GNPTG: variants seen among roughly 807,000 people sequenced by gnomAD.
GNPTG encodes the protein N-acetylglucosamine-1-phosphotransferase subunit gamma.
GNPTG carries 46 observed loss-of-function variants against 43.8 expected under a neutral mutation model. That is an observed-to-expected ratio of 1.05 (90% CI 0.83 to 1.34). GNPTG has a LOEUF of 1.34. Among genes scored for constraint, GNPTG ranks in the 40% most tolerant of loss-of-function variants. The probability of loss-of-function intolerance (pLI) is 0.00; values close to 1 mark genes in which losing one functional copy is unlikely to be tolerated. For synonymous variants in GNPTG, 250 were observed against 172.8 expected (o/e 1.45, Z -3.50); for missense variants, 549 against 411.3 (o/e 1.33, Z -2.90).
Position 1,362,439 on chromosome 16 carries a change from C to G in GNPTG, c.527-13C>G, listed in dbSNP as rs770037398. On this transcript the variant is annotated splice_polypyrimidine_tract_variant and intron_variant, in intron 7 of 10. Coordinates refer to ENST00000204679, the MANE Select transcript of GNPTG (RefSeq NM_032520.5). Reference sequence around the variant, plus strand: ...TGGGGTGCAGCTGAGCCTGGCTTCTCTTGGGTCCTCAGTGTACCCAACCCT... The same window carrying G: ...TGGGGTGCAGCTGAGCCTGGCTTCTGTTGGGTCCTCAGTGTACCCAACCCT... 1.9e-6 allele frequency: 3 copies of G among 1,613,546 alleles called. No individual in the cohort carries two copies. The highest frequency in any genetic ancestry group is 2.5e-6 in the Non-Finnish European group (3 of 1,179,724).
chr16:1,360,106 C>CA (rs57898693), intron 3 of GNPTG, among the ~76,000 whole-genome samples: 3,403 of 143,340 alleles, frequency 0.024, 113 homozygotes, highest in African/African-American at 0.075. Flanking sequence ...GACTCCGTCT[C>CA]AAAAAAAAAA....
Position 1,363,092 on chromosome 16 carries a change from C to A in GNPTG, c.*1C>A. The A allele has an allele frequency of 5.0e-6, 8 of 1,613,532 alleles. No homozygotes were observed. Among genetic ancestry groups the A allele is most frequent in the South Asian group, 1.1e-5 (1 of 91,028 alleles). On this transcript the variant is annotated 3_prime_UTR_variant, in exon 11 of 11. Coordinates refer to ENST00000204679, the MANE Select transcript of GNPTG (RefSeq NM_032520.5). ...CCCAGGACTGCGTGGGAGTTTGTGA[C>A]CTTGTGGTGGGAGAGCAGAGGTGGA...
rs2034737089 is a variant in GNPTG at position 1,354,493 on chromosome 16, G to A, written c.178+2187G>A. Among the ~76,000 whole-genome samples the A allele has an allele frequency of 2.7e-5, 4 of 147,798 alleles. No homozygotes were observed. In the South Asian group the frequency reaches 8.7e-4, roughly 32 times the overall value. On this transcript the variant is annotated intron_variant, in intron 3 of 10. Transcript: ENST00000204679. ...CCCAGCTGCTTGGGAGGCCGAGGCT[G>A]GAGAATTGCTTGAATCCAGGAGGCG...
rs1374397523 is a variant in GNPTG at position 1,363,407 on chromosome 16, A to G, written c.*316A>G. ...AACATTCTCATGTAAATACTCAAAC[A>G]TACAGATTGAGGCTTCCAGAAATTA... On this transcript the variant is annotated 3_prime_UTR_variant, in exon 11 of 11. Coordinates refer to ENST00000204679, the MANE Select transcript of GNPTG (RefSeq NM_032520.5). 4 of 376,186 alleles carry G rather than the reference A, an allele frequency of 1.1e-5. No individual in the cohort carries two copies. Among genetic ancestry groups the G allele is most frequent in the Non-Finnish European group, 2.0e-5 (4 of 196,678 alleles). 23.3% of individuals were successfully genotyped at this position (376,186 alleles called of 1,614,324 possible). A position where few individuals can be genotyped will look rare whatever the true frequency, so the allele number is the denominator to read the frequency against.
intron 3 of GNPTG, among the ~76,000 whole-genome samples, chr16:1,355,882 G>T (rs1335396520): frequency 1.3e-5 from 2 of 152,082 alleles, no homozygotes. Flanking sequence ...TTCGGCTGGG[G>T]CCGGGCTGGG....
rs1268624313 is a variant in GNPTG at position 1,352,168 on chromosome 16, C to T, written c.110+9C>T. 1 of 1,572,784 alleles carries T rather than the reference C, an allele frequency of 6.4e-7. No individual in the cohort carries two copies. Among genetic ancestry groups the T allele is most frequent in the South Asian group, 1.2e-5 (1 of 85,982 alleles). On this transcript the variant is annotated intron_variant, in intron 2 of 10. Transcript: ENST00000204679. ...GAGCCCAACGCGTTTGGGTGAGCAG[C>T]CTCGCGGGCTGGCGGCTCGAGCGGG...
intron 3 of GNPTG, among the ~76,000 whole-genome samples, chr16:1,354,356 G>C (rs979074462): frequency 6.6e-6 from 1 of 151,840 alleles, no homozygotes; most frequent in African/African-American, 2.4e-5. Flanking sequence ...TGTGACGATC[G>C]CTTGAGGTCA....
In GNPTG at chr16:1,363,277, A is replaced by G. The variant is rs2034978829; in HGVS notation, c.*186A>G. Reference sequence around the variant, plus strand: ...ATGAATTCTGTAAACCATTGCATAAATGCTATAGTGTAAAAAAATTTAAAC... The same window carrying G: ...ATGAATTCTGTAAACCATTGCATAAGTGCTATAGTGTAAAAAAATTTAAAC... On this transcript the variant is annotated 3_prime_UTR_variant, in exon 11 of 11. Transcript: ENST00000204679. 1 of 628,196 alleles carries G rather than the reference A, an allele frequency of 1.6e-6. No homozygotes were observed. Among genetic ancestry groups the G allele is most frequent in the African/African-American group, 1.8e-5 (1 of 54,546 alleles). The allele number at this position is 628,196 out of a possible 1,614,324, so 38.9% of individuals were successfully genotyped here. A position where few individuals can be genotyped will look rare whatever the true frequency, so the allele number is the denominator to read the frequency against.
intron 3 of GNPTG, among the ~76,000 whole-genome samples, chr16:1,355,854 T>G (rs1198774355): frequency 6.7e-6 from 1 of 149,472 alleles, no homozygotes; most frequent in African/African-American, 2.5e-5. Context: ...GTTGCAGGGG[T>G]CAGGCTGGGA....
intron 3 of GNPTG, among the ~76,000 whole-genome samples, chr16:1,353,189 C>T (rs1337836881): frequency 3.3e-5 from 5 of 152,110 alleles, no homozygotes; most frequent in Non-Finnish European, 7.4e-5. Context: ...ATTGACCAGG[C>T]GGGTCTCGAA....
At chr16:1,357,273 T>C (rs1047988867) in intron 3 of GNPTG, among the ~76,000 whole-genome samples, 7 of 152,094 alleles carry the variant, frequency 4.6e-5, no homozygotes, top group Non-Finnish European at 1.0e-4. Context: ...TTGGTCTCCA[T>C]CTGTCTTGGG....
rs541302340 is a variant in GNPTG, at chr16:1,361,623, G to A, written c.179-120G>A. ...CATGCCACTGCACTCCAGCCTGGGT[G>A]ACAGAGTGAGACTCCATCTCAAAAA... On this transcript the variant is annotated intron_variant, in intron 3 of 10. Coordinates refer to ENST00000204679, the MANE Select transcript of GNPTG (RefSeq NM_032520.5). 3.6e-5 allele frequency: 36 copies of A among 996,590 alleles called. No homozygotes were observed. The African/African-American group carries it at 4.2e-4, about 12-fold the overall frequency. The allele number at this position is 996,590 out of a possible 1,614,324, so 61.7% of individuals were successfully genotyped here.
chr16:1,357,587 C>G (rs914315130), intron 3 of GNPTG: 1 of 152,274 alleles, frequency 6.6e-6, no homozygotes, highest in African/African-American at 2.4e-5. Flanking sequence ...GATCTCGGCT[C>G]AGTGCCAGCT....
At chr16:1,359,342 C>A (rs952301960) in intron 3 of GNPTG, among the ~76,000 whole-genome samples, 1 of 152,096 alleles carries the variant, frequency 6.6e-6, no homozygotes, top group African/African-American at 2.4e-5. Context: ...TCTTGGCTCA[C>A]GGCAACCTCT....
intron 6 of GNPTG, 25 bp downstream of exon 6, chr16:1,362,156 G>T: frequency 1.2e-6 from 2 of 1,612,836 alleles, no homozygotes. Flanking sequence ...GGGAGCCCGG[G>T]AAGAGGGGCC....
intron 3 of GNPTG, 160 bp from the exon 4 acceptor site, chr16:1,361,583 G>C: frequency 1.4e-6 from 1 of 734,104 alleles, no homozygotes; most frequent in Non-Finnish European, 2.3e-6. Flanking sequence ...GGCGGAGCTT[G>C]AAGTGAGCCA....
chr16:1,351,957 T>C lies in GNPTG; in HGVS notation c.-9T>C, dbSNP rs1338103437. On this transcript the variant is annotated 5_prime_UTR_variant, in exon 1 of 11. Coordinates refer to ENST00000204679, the MANE Select transcript of GNPTG (RefSeq NM_032520.5). ...CTTCACGTGACCGCGCGGCGGCCGC[T>C]GCGGCGCGATGGCGGCGGGGCTGGC... 2 of 1,291,946 alleles carry C rather than the reference T, an allele frequency of 1.5e-6. No individual in the cohort carries two copies. Among genetic ancestry groups the C allele is most frequent in the South Asian group, 2.5e-5 (1 of 39,868 alleles). The allele number at this position is 1,291,946 out of a possible 1,614,324, so 80.0% of individuals were successfully genotyped here.
intron 3 of GNPTG, among the ~76,000 whole-genome samples, chr16:1,354,317 G>T (rs1012931580): frequency 6.6e-5 from 10 of 152,068 alleles, no homozygotes; most frequent in Admixed American, 4.6e-4. Flanking sequence ...GGTCGTGGTG[G>T]TGCGTGCATG....
intron 3 of GNPTG, among the ~76,000 whole-genome samples, chr16:1,356,212 C>G (rs932463522): frequency 6.6e-6 from 1 of 152,130 alleles, no homozygotes; most frequent in Middle Eastern, 3.2e-3. Context: ...GCTGTGGCCT[C>G]GGGTGCAGGG....
Sources: gnomAD v4.1 joint callset for allele counts (sites outside exome capture counted in the v4.1 genomes callset) on GRCh38, gnomAD v4.1.1 for gene constraint, MANE v1.5 for transcripts, NCBI Gene and HGNC (gene_info 2026-07-23, HGNC 2026-07-21) for gene names.